STPG2: variants seen among roughly 807,000 people sequenced by gnomAD.
The protein encoded by STPG2 is sperm tail PG-rich repeat containing 2, also known as sperm-tail PG-rich repeat-containing protein 2.
A neutral mutation model predicts 54.2 loss-of-function variants in STPG2; 56 were observed. That is an observed-to-expected ratio of 1.03 (90% CI 0.83 to 1.29). STPG2 has a LOEUF of 1.29. STPG2 is among the 50% of genes most tolerant of loss of function. The pLI is 0.00. For missense variants in STPG2, 596 were observed against 544.9 expected (o/e 1.09, Z -0.93); for synonymous variants, 200 against 181.8 (o/e 1.10, Z -0.81).
chr4:97,824,234 C>T (rs553216394), intron 9 of STPG2, among the ~76,000 whole-genome samples: 2 of 152,178 alleles, frequency 1.3e-5, no homozygotes, highest in South Asian at 4.1e-4. Flanking sequence ...CTCTGGCCTC[C>T]CTGAGCTCCT....
intron 10 of STPG2, among the ~76,000 whole-genome samples, chr4:97,618,529 T>C (rs1417779475): frequency 6.6e-6 from 1 of 152,184 alleles, no homozygotes. Flanking sequence ...ATCATGAATA[T>C]AAAATAGATC....
chr4:97,986,189 A>T (rs1311020449), intron 5 of STPG2, among the ~76,000 whole-genome samples: 2 of 152,214 alleles, frequency 1.3e-5, no homozygotes, highest in African/African-American at 4.8e-5. Flanking sequence ...AAGTACAATA[A>T]AATCAAAGTA....
chr4:97,910,697 G>GA (rs1268137288), intron 8 of STPG2, among the ~76,000 whole-genome samples: 1 of 151,910 alleles, frequency 6.6e-6, no homozygotes, highest in Non-Finnish European at 1.5e-5. Flanking sequence ...ACAATAAAAA[G>GA]AAAAAATTTC....
intron 9 of STPG2, among the ~76,000 whole-genome samples, chr4:97,814,112 C>G (rs991716448): frequency 6.6e-6 from 1 of 152,106 alleles, no homozygotes; most frequent in Non-Finnish European, 1.5e-5. Context: ...TTCCTCCAAA[C>G]AGACATAACA....
At chr4:97,508,186 T>C (rs1730893993) in intron 4 of STPG2, among the ~76,000 whole-genome samples, 1 of 151,918 alleles carries the variant, frequency 6.6e-6, no homozygotes, top group Admixed American at 6.6e-5. Context: ...ATACAGCAAA[T>C]ACATCCATAA....
chr4:97,566,368 T>C (rs1020008304), intron 10 of STPG2, among the ~76,000 whole-genome samples: 17 of 152,152 alleles, frequency 1.1e-4, no homozygotes, highest in Admixed American at 1.3e-4. Flanking sequence ...GAAAGGGAAC[T>C]CCCTGTCCCC....
At chr4:97,522,122 G>T (rs577327701) in intron 4 of STPG2, among the ~76,000 whole-genome samples, 1 of 151,778 alleles carries the variant, frequency 6.6e-6, no homozygotes, top group East Asian at 1.9e-4. Context: ...GTGGGAGTGC[G>T]GAAAAGATAG....
At chr4:97,500,208 A>G (rs1307267139) in intron 4 of STPG2, among the ~76,000 whole-genome samples, 1 of 152,054 alleles carries the variant, frequency 6.6e-6, no homozygotes, top group African/African-American at 2.4e-5. Flanking sequence ...AAGTAGAGCA[A>G]ATAGGATTTT....
At chr4:97,675,695 G>A (rs571795922) in intron 10 of STPG2, among the ~76,000 whole-genome samples, 85 of 151,474 alleles carry the variant, frequency 5.6e-4, no homozygotes, top group African/African-American at 1.9e-3. Flanking sequence ...GTGTGTGTGC[G>A]CGCGCGTGCT....
chr4:97,737,007 A>G (rs1462704649), intron 9 of STPG2, among the ~76,000 whole-genome samples: 1 of 152,178 alleles, frequency 6.6e-6, no homozygotes, highest in Non-Finnish European at 1.5e-5. Context: ...CTCCTCTGAG[A>G]CAAAACTTCC....
At chr4:97,902,960 A>G (rs764988205) in intron 8 of STPG2, among the ~76,000 whole-genome samples, 6 of 152,174 alleles carry the variant, frequency 3.9e-5, no homozygotes, top group Non-Finnish European at 7.4e-5. Flanking sequence ...AATGAATATT[A>G]TTCAGCCTTT....
At chr4:97,738,262 A>G (rs1725089380) in intron 9 of STPG2, among the ~76,000 whole-genome samples, 1 of 152,228 alleles carries the variant, frequency 6.6e-6, no homozygotes, top group Non-Finnish European at 1.5e-5. Context: ...AAATCATGCC[A>G]AATTGTAAAG....
At chr4:98,009,390 C>A (rs1418271437) in intron 5 of STPG2, among the ~76,000 whole-genome samples, 1 of 145,912 alleles carries the variant, frequency 6.9e-6, no homozygotes, top group East Asian at 1.9e-4. Context: ...TGTGAATTTT[C>A]CAGTTTTCCT....
chr4:97,792,474 A>G (rs1463130115), intron 9 of STPG2, among the ~76,000 whole-genome samples: 1 of 152,160 alleles, frequency 6.6e-6, no homozygotes, highest in Admixed American at 6.6e-5. Context: ...CCAGCACTCT[A>G]CTTGAAGCCA....
chr4:97,832,068 A>C (rs983503228), intron 9 of STPG2, among the ~76,000 whole-genome samples: 6 of 152,166 alleles, frequency 3.9e-5, no homozygotes, highest in African/African-American at 1.2e-4. Context: ...CACAACAAAA[A>C]CAGAAAATTT....
At chr4:97,973,381 C>G (rs558873755) in intron 6 of STPG2, among the ~76,000 whole-genome samples, 14 of 152,256 alleles carry the variant, frequency 9.2e-5, no homozygotes, top group Middle Eastern at 3.4e-3. Flanking sequence ...GCAAAGCATT[C>G]AAGATGTGAC....
intron 7 of STPG2, among the ~76,000 whole-genome samples, chr4:97,954,118 T>G (rs1733578457): frequency 6.6e-6 from 1 of 152,210 alleles, no homozygotes. Flanking sequence ...AATTAATTAC[T>G]TATTGGATGG....
intron 5 of STPG2, among the ~76,000 whole-genome samples, chr4:98,009,727 T>G (rs1735684399): frequency 6.6e-6 from 1 of 152,122 alleles, no homozygotes. Context: ...ATTTCTCCCT[T>G]GATATCTGTT....
chr4:97,751,912 T>C (rs888398357), intron 9 of STPG2, among the ~76,000 whole-genome samples: 1 of 151,696 alleles, frequency 6.6e-6, no homozygotes, highest in African/African-American at 2.4e-5. Flanking sequence ...GGCATACACA[T>C]AACCATCTTC....
Sources: gnomAD v4.1 joint callset for allele counts (sites outside exome capture counted in the v4.1 genomes callset) on GRCh38, gnomAD v4.1.1 for gene constraint, MANE v1.5 for transcripts, NCBI Gene and HGNC (gene_info 2026-07-23, HGNC 2026-07-21) for gene names.